Variants in AR observed in about 807,000 individuals in gnomAD.
AR encodes the protein dihydrotestosterone receptor.
A neutral mutation model predicts 53.9 loss-of-function variants in AR; 8 were observed. The observed-to-expected ratio is 0.15, with a 90% CI of 0.09 to 0.27. The LOEUF is 0.27. Among genes scored for constraint, AR ranks in the 10% least tolerant of loss-of-function variants. The pLI, the probability that AR is intolerant of heterozygous loss-of-function variation, is 1.00. For missense variants in AR, 639 were observed against 742.5 expected, an observed-to-expected ratio of 0.86 and a Z score of 1.62; for synonymous variants, 359 against 316.4, an observed-to-expected ratio of 1.13 and a Z score of -1.43.
chrX:67,588,383 A>G (rs1922658554), intron 1 of AR, among the ~76,000 whole-genome samples: 2 of 111,964 alleles, frequency 1.8e-5, no homozygotes, highest in South Asian at 7.5e-4. Context: ...TTCTCAAGGT[A>G]TCCCAAAGCA....
At chrX:67,646,260 TTTG>T (rs1926052848) in intron 2 of AR, among the ~76,000 whole-genome samples, 1 of 110,875 alleles carries the variant, frequency 9.0e-6, no homozygotes, top group African/African-American at 3.3e-5. Flanking sequence ...CTGGACAGGT[TTTG>T]TTGTTGAGGA....
chrX:67,635,403 C>T (rs1044357378), intron 1 of AR, among the ~76,000 whole-genome samples: 2 of 111,523 alleles, frequency 1.8e-5, no homozygotes, highest in Admixed American at 1.9e-4. Context: ...GTTGCCATTC[C>T]TCTTGCTAAC....
chrX:67,664,505 G>T (rs965106998), intron 2 of AR, among the ~76,000 whole-genome samples: 1 of 111,893 alleles, frequency 8.9e-6, no homozygotes, highest in African/African-American at 3.2e-5. Context: ...ACCCGGATGT[G>T]TGAGGTGTCA....
chrX:67,560,231 G>A (rs1195948088), intron 1 of AR, among the ~76,000 whole-genome samples: 4 of 111,173 alleles, frequency 3.6e-5, no homozygotes, highest in African/African-American at 1.3e-4. Context: ...GAAGGCTTTG[G>A]GAATTAGGGT....
chrX:67,553,024 A>G (rs995360475), intron 1 of AR, among the ~76,000 whole-genome samples: 1 of 110,588 alleles, frequency 9.0e-6, no homozygotes, highest in Non-Finnish European at 1.9e-5. Context: ...TACGTTCTTA[A>G]TGGTATCTAG....
chrX:67,686,271 C>A, intron 3 of AR, 145 bp downstream of exon 3: 1 of 634,606 alleles, frequency 1.6e-6, no homozygotes, highest in Non-Finnish European at 2.4e-6. Context: ...CTTTCATAGG[C>A]AACGTGGCCA....
At chrX:67,600,760 A>G (rs1001744005) in intron 1 of AR, among the ~76,000 whole-genome samples, 6 of 111,708 alleles carry the variant, frequency 5.4e-5, no homozygotes, top group Non-Finnish European at 1.1e-4. Context: ...CTCATTCTCT[A>G]TAATGTGATT....
chrX:67,713,246 C>T (rs2076100727), intron 4 of AR, among the ~76,000 whole-genome samples: 1 of 110,452 alleles, frequency 9.1e-6, no homozygotes, highest in South Asian at 3.9e-4. Context: ...GGTCACAGCC[C>T]TAACCATCTC....
chrX:67,624,282 G>A (rs931697122), intron 1 of AR, among the ~76,000 whole-genome samples: 1 of 111,501 alleles, frequency 9.0e-6, no homozygotes, highest in African/African-American at 3.3e-5. Flanking sequence ...AGATGAAATG[G>A]ACAAATACTC....
At position 67,724,341 on chromosome X, in the gene AR, A is replaced by C; in HGVS notation, c.*500A>C. The C allele has an allele frequency of 5.5e-6, 1 of 180,401 alleles. No individual in the cohort carries two copies. Among genetic ancestry groups the C allele is most frequent in the Admixed American group, 7.2e-5 (1 of 13,845 alleles). The allele number at this position is 180,401 out of a possible 1,213,427, so 14.9% of individuals were successfully genotyped here. On this transcript the variant is annotated 3_prime_UTR_variant, in exon 8 of 8. Coordinates refer to ENST00000374690, the MANE Select transcript of AR (RefSeq NM_000044.6). Reference sequence around the variant, plus strand: ...AAAACCTTGCTAGTGTTTTTTCCTCAAAAATAAATAAATAAATAAATAAAT... The same window carrying C: ...AAAACCTTGCTAGTGTTTTTTCCTCCAAAATAAATAAATAAATAAATAAAT...
chrX:67,572,693 A>C (rs1921869770), intron 1 of AR, among the ~76,000 whole-genome samples: 1 of 111,220 alleles, frequency 9.0e-6, no homozygotes, highest in Admixed American at 9.6e-5. Context: ...ATGGAAACTA[A>C]ATTTCGAGTT....
chrX:67,580,739 CT>C (rs758369459), intron 1 of AR, among the ~76,000 whole-genome samples: 5 of 110,975 alleles, frequency 4.5e-5, no homozygotes. Context: ...TGTTTGTTTC[CT>C]TTGAAGTGCC....
chrX:67,565,429 G>A (rs1459535948), intron 1 of AR, among the ~76,000 whole-genome samples: 2 of 111,601 alleles, frequency 1.8e-5, no homozygotes, highest in Admixed American at 1.9e-4. Context: ...ATAGTTAGTT[G>A]GTAAGAGAAA....
intron 1 of AR, among the ~76,000 whole-genome samples, chrX:67,618,004 T>C (rs1924199161): frequency 8.9e-6 from 1 of 112,279 alleles, no homozygotes; most frequent in Non-Finnish European, 1.9e-5. Context: ...TTTATCTGTG[T>C]TTATCTAACG....
intron 3 of AR, among the ~76,000 whole-genome samples, chrX:67,698,227 C>T (rs756890714): frequency 8.9e-6 from 1 of 112,285 alleles, no homozygotes; most frequent in South Asian, 3.7e-4. Context: ...CCCTGACTCA[C>T]AATCCAGTAT....
At chrX:67,603,982 T>C (rs1923501300) in intron 1 of AR, among the ~76,000 whole-genome samples, 1 of 110,722 alleles carries the variant, frequency 9.0e-6, no homozygotes, top group Admixed American at 9.7e-5. Context: ...CTGAGATAGA[T>C]TGAAATCACA....
intron 1 of AR, among the ~76,000 whole-genome samples, chrX:67,633,191 A>T (rs187437445): frequency 1.8e-4 from 20 of 112,181 alleles, no homozygotes; most frequent in Non-Finnish European, 3.4e-4. Flanking sequence ...ATATAGCTAA[A>T]TTGTGTGTCA....
chrX:67,666,836 C>G (rs765858189), intron 2 of AR, among the ~76,000 whole-genome samples: 7 of 111,606 alleles, frequency 6.3e-5, no homozygotes, highest in Non-Finnish European at 1.9e-5. Context: ...TGTCATATAT[C>G]TGTTTGTCAT....
intron 1 of AR, among the ~76,000 whole-genome samples, chrX:67,583,978 C>T (rs1054547532): frequency 5.4e-5 from 6 of 112,005 alleles, no homozygotes; most frequent in East Asian, 2.8e-4. Flanking sequence ...ACATAGTAAA[C>T]GCAAAGCACA....
Sources: allele counts gnomAD v4.1 joint callset (sites outside exome capture counted in the v4.1 genomes callset), GRCh38; gene constraint gnomAD v4.1.1; transcripts MANE v1.5; gene names NCBI Gene and HGNC (gene_info 2026-07-23, HGNC 2026-07-21).